Variants in IFT81 observed in about 807,000 individuals in gnomAD.
IFT81 encodes intraflagellar transport protein 81 homolog.
A neutral mutation model predicts 102.6 loss-of-function variants in IFT81; 72 were observed. The ratio of observed to expected loss-of-function variants is 0.70; its 90% CI spans 0.58 to 0.85. The LOEUF (loss-of-function observed/expected upper bound fraction) is 0.85. Among genes scored for constraint, IFT81 ranks in the 40% least tolerant of loss-of-function variants. The pLI is 0.00. For synonymous variants in IFT81, 237 were observed against 242.7 expected, an observed-to-expected ratio of 0.98 and a Z score of 0.22; for missense variants, 723 against 787.3, an observed-to-expected ratio of 0.92 and a Z score of 0.98.
intron 11 of IFT81, among the ~76,000 whole-genome samples, chr12:110,179,586 G>A (rs1194024079): frequency 6.6e-6 from 1 of 150,772 alleles, no homozygotes; most frequent in East Asian, 2.0e-4. Context: ...GCCAGGCGTG[G>A]TGCTCTGCAC....
At chr12:110,142,224 G>T (rs1156427827) in intron 8 of IFT81, among the ~76,000 whole-genome samples, 1 of 152,074 alleles carries the variant, frequency 6.6e-6, no homozygotes, top group Non-Finnish European at 1.5e-5. Context: ...TGCAGTGATG[G>T]TGACACGATC....
intron 14 of IFT81, among the ~76,000 whole-genome samples, chr12:110,197,689 A>T (rs1400913867): frequency 6.7e-6 from 1 of 150,154 alleles, no homozygotes; most frequent in African/African-American, 2.4e-5. Flanking sequence ...ATCCTCCGGC[A>T]TTTTTTTTAT....
At chr12:110,137,692 C>T (rs537404762) in intron 8 of IFT81, among the ~76,000 whole-genome samples, 23 of 152,006 alleles carry the variant, frequency 1.5e-4, no homozygotes, top group Non-Finnish European at 2.4e-4. Flanking sequence ...GCCGAGATCG[C>T]GCCATTGTAC....
At chr12:110,211,673 T>A (rs1464265598) in intron 18 of IFT81, among the ~76,000 whole-genome samples, 1 of 151,844 alleles carries the variant, frequency 6.6e-6, no homozygotes, top group Non-Finnish European at 1.5e-5. Flanking sequence ...CCTGGCTAAT[T>A]TTTTTGTATT....
intron 1 of IFT81, among the ~76,000 whole-genome samples, chr12:110,125,906 T>C (rs558846137): frequency 2.0e-5 from 3 of 152,288 alleles, no homozygotes; most frequent in Non-Finnish European, 4.4e-5. Context: ...TTAGACACAA[T>C]GGATGTTCAA....
intron 12 of IFT81, among the ~76,000 whole-genome samples, chr12:110,188,281 G>A (rs1276293145): frequency 1.3e-5 from 2 of 150,370 alleles, no homozygotes; most frequent in South Asian, 4.2e-4. Flanking sequence ...GCAGTGAGCC[G>A]AGATCGTGCC....
At chr12:110,201,150 C>A (rs946461896) in intron 14 of IFT81, among the ~76,000 whole-genome samples, 3 of 151,928 alleles carry the variant, frequency 2.0e-5, no homozygotes, top group Non-Finnish European at 4.4e-5. Context: ...TGCCTGTAAT[C>A]CCAGCACTTT....
In IFT81 at chr12:110,180,510, G is replaced by T. The variant is rs1897279203; in HGVS notation, c.1277G>T (p.Gly426Val). The T allele has an allele frequency of 3.1e-6, 5 of 1,610,810 alleles. No individual in the cohort carries two copies. Among genetic ancestry groups the T allele is most frequent in the East Asian group, 2.2e-5 (1 of 44,750 alleles). ...QIIAELKAEF[G>V]LLQRTEELLK... ...ATAGCTGAACTTAAAGCTGAATTCG[G>T]TCTTTTGCAGAGGACTGAAGAACTT... Residue 426 changes from glycine (G) to valine (V), a missense_variant, in exon 12 of 19, where the codon GGT (glycine) becomes GTT (valine). Coordinates refer to ENST00000242591, the MANE Select transcript of IFT81 (RefSeq NM_014055.4).
At position 110,209,164 on chromosome 12, in the gene IFT81, T is replaced by C. The variant is rs753718005; in HGVS notation, c.1803-7T>C. Reference sequence around the variant, plus strand: ...ATTGAAAGTAAATCATTATGTTGACTCCCTAGGGAACAGTATACCAAAAAT... The same window carrying C: ...ATTGAAAGTAAATCATTATGTTGACCCCCTAGGGAACAGTATACCAAAAAT... On this transcript the variant is annotated splice_polypyrimidine_tract_variant and splice_region_variant and intron_variant, in intron 17 of 18. Transcript: ENST00000242591. The C allele has an allele frequency of 2.7e-6, 4 of 1,487,022 alleles. No individual in the cohort carries two copies. The highest frequency in any genetic ancestry group is 3.7e-6 in the Non-Finnish European group (4 of 1,077,294). 92.1% of individuals were successfully genotyped at this position (1,487,022 alleles called of 1,614,324 possible). A position where few individuals can be genotyped will look rare whatever the true frequency, so the allele number is the denominator to read the frequency against.
chr12:110,207,066 G>A (rs986620591), intron 17 of IFT81, among the ~76,000 whole-genome samples: 4 of 149,790 alleles, frequency 2.7e-5, no homozygotes, highest in Admixed American at 1.3e-4. Context: ...GTCTTGCTCT[G>A]TCACCCAGGC....
chr12:110,138,049 C>T (rs536882751), intron 8 of IFT81, among the ~76,000 whole-genome samples: 4 of 152,298 alleles, frequency 2.6e-5, no homozygotes, highest in Admixed American at 6.5e-5. Context: ...AGAAAGACCA[C>T]GCAAACTGAA....
chr12:110,175,891 CT>C (rs1346930611), intron 11 of IFT81, among the ~76,000 whole-genome samples: 1 of 152,110 alleles, frequency 6.6e-6, no homozygotes, highest in Non-Finnish European at 1.5e-5. Flanking sequence ...ATTTGGCTCC[CT>C]TTTTCTATAT....
intron 6 of IFT81, 122 bp downstream of exon 6, chr12:110,135,135 A>G: frequency 1.2e-6 from 1 of 809,368 alleles, no homozygotes; most frequent in East Asian, 2.6e-5. Flanking sequence ...CTCAAATAAC[A>G]TTGACGAAAA....
intron 6 of IFT81, 123 bp downstream of exon 6, chr12:110,135,136 T>C (rs1229667150): frequency 3.7e-6 from 3 of 810,560 alleles, no homozygotes; most frequent in South Asian, 1.7e-5. Flanking sequence ...TCAAATAACA[T>C]TGACGAAAAG....
intron 10 of IFT81, among the ~76,000 whole-genome samples, chr12:110,151,498 C>T (rs890168200): frequency 6.6e-6 from 1 of 152,050 alleles, no homozygotes; most frequent in Admixed American, 6.6e-5. Context: ...CATTCTTATA[C>T]AAGTTTTTGT....
At chr12:110,203,688 A>G (rs1376548185) in intron 14 of IFT81, 176 bp from the exon 15 acceptor site, 1 of 626,544 alleles carries the variant, frequency 1.6e-6, no homozygotes, top group Non-Finnish European at 2.9e-6. Context: ...TATTATTATT[A>G]TCAGCACCTT....
chr12:110,162,953 C>T lies in IFT81; in HGVS notation c.1076C>T (p.Ala359Val). Reference protein sequence around the residue: ...SIISRKKEAKAEELQEAKEKL... With the variant: ...SIISRKKEAKVEELQEAKEKL... ...ATTTCCCGTAAAAAAGAAGCCAAAG[C>T]TGAGGAACTTCAGGAGGCCAAGGAG... Residue 359 changes from alanine (A) to valine (V), a missense_variant, in exon 11 of 19, where the codon GCT (alanine) becomes GTT (valine). Physicochemically the swap from Ala to Val is moderately conservative, Grantham distance 64 (BLOSUM62 0). Coordinates refer to ENST00000242591, the MANE Select transcript of IFT81 (RefSeq NM_014055.4). The T allele has an allele frequency of 6.2e-7, 1 of 1,613,796 alleles. No homozygotes were observed. The highest frequency in any genetic ancestry group is 2.2e-5 in the East Asian group (1 of 44,852).
At chr12:110,191,628 C>A (rs1284208727) in intron 13 of IFT81, among the ~76,000 whole-genome samples, 1 of 152,012 alleles carries the variant, frequency 6.6e-6, no homozygotes, top group Non-Finnish European at 1.5e-5. Flanking sequence ...GGTCATACCA[C>A]CCTAATAGAA....
intron 12 of IFT81, among the ~76,000 whole-genome samples, chr12:110,187,254 G>GTTGTTT (rs149716061): frequency 4.0e-5 from 6 of 151,408 alleles, no homozygotes; most frequent in South Asian, 4.2e-4. Flanking sequence ...ATCTATTCCT[G>GTTGTTT]TTGTTTTTGT....
Sources: allele counts gnomAD v4.1 joint callset (sites outside exome capture counted in the v4.1 genomes callset), GRCh38; gene constraint gnomAD v4.1.1; transcripts MANE v1.5; gene names NCBI Gene and HGNC (gene_info 2026-07-23, HGNC 2026-07-21).